Variants in PXK observed in about 807,000 individuals in gnomAD.
PXK encodes the protein PX domain-containing protein kinase-like protein.
Under a neutral mutation model 84.7 loss-of-function variants are expected in PXK, and 35 were observed. The ratio of observed to expected loss-of-function variants is 0.41; its 90% confidence interval spans 0.32 to 0.55. The LOEUF is 0.55. Among genes scored for constraint, PXK ranks in the 20% least tolerant of loss-of-function variants. The pLI is 0.21. For synonymous variants in PXK, 253 were observed against 260.8 expected (o/e 0.97, Z 0.29); for missense variants, 634 against 699.7 (o/e 0.91, Z 1.06).
At position 58,390,512 on chromosome 3, in the gene PXK, G is replaced by T; in HGVS notation, c.389-70G>T. On this transcript the variant is annotated intron_variant, in intron 4 of 17. Transcript: ENST00000356151. The surrounding 1 kb of genome is among the most constrained non-coding windows in gnomAD (Gnocchi z 4.2). ...TAGACTATAGGGATTTCATTTACAA[G>T]AATAATATCTTCAGCATATGGCCCT... The T allele has an allele frequency of 8.6e-7, 1 of 1,157,902 alleles. No homozygotes were observed. The highest frequency in any genetic ancestry group is 2.1e-5 in the Admixed American group (1 of 47,034). The allele number at this position is 1,157,902 out of a possible 1,614,324, so 71.7% of individuals were successfully genotyped here. A position where few individuals can be genotyped will look rare whatever the true frequency, so the allele number is the denominator to read the frequency against.
At chr3:58,362,153 C>T (rs1181335897) in intron 1 of PXK, among the ~76,000 whole-genome samples, 2 of 152,098 alleles carry the variant, frequency 1.3e-5, no homozygotes, top group Non-Finnish European at 2.9e-5. Flanking sequence ...ATTATTTGCC[C>T]ATTTTCTAAT....
rs2061012076 is a variant in PXK at position 58,416,683 on chromosome 3, A to C, written c.1528+3720A>C. On this transcript the variant is annotated intron_variant, in intron 17 of 17. Transcript: ENST00000356151. The surrounding 1 kb of genome is among the most constrained non-coding windows in gnomAD (Gnocchi z 4.8). ...TCACCCAGGCTGGAATACAGTCGTGAGATCTCGGCTCACTGCAACTTCCGC... is the reference window on the plus strand; with the variant it reads ...TCACCCAGGCTGGAATACAGTCGTGCGATCTCGGCTCACTGCAACTTCCGC... Among the ~76,000 whole-genome samples the C allele has an allele frequency of 6.8e-6, 1 of 146,482 alleles. No individual in the cohort carries two copies. Among genetic ancestry groups the C allele is most frequent in the Non-Finnish European group, 1.5e-5 (1 of 65,724 alleles).
chr3:58,393,754 C>T (rs2098654534), intron 7 of PXK, among the ~76,000 whole-genome samples: 1 of 152,172 alleles, frequency 6.6e-6, no homozygotes, highest in African/African-American at 2.4e-5. Context: ...GATATTGTGA[C>T]ACTACATATT....
chr3:58,344,587 G>A (rs143665347), intron 1 of PXK, among the ~76,000 whole-genome samples: 7,131 of 152,280 alleles, frequency 0.047, 585 homozygotes, highest in African/African-American at 0.16. Context: ...ACTTTGGGAA[G>A]CCAAGATGGG....
At chr3:58,422,345 A>G (rs1283220902) in intron 17 of PXK, 42 of 985,084 alleles carry the variant, frequency 4.3e-5, no homozygotes, top group Non-Finnish European at 4.8e-5. Context: ...AAGAGCCACC[A>G]TGGTTGTTGT....
rs779452120 is a variant in PXK at position 58,383,251 on chromosome 3, C to CA, written c.388+552dup. Among the ~76,000 whole-genome samples the CA allele has an allele frequency of 7.2e-5, 11 of 152,164 alleles. No individual in the cohort carries two copies. The highest frequency in any genetic ancestry group is 1.5e-4 in the Non-Finnish European group (10 of 68,032). On this transcript the variant is annotated intron_variant, in intron 4 of 17. Coordinates refer to ENST00000356151, the MANE Select transcript of PXK (RefSeq NM_017771.5). This position sits in a 1 kb window ranked among gnomAD's most constrained non-coding sequence, Gnocchi z 4.0. ...AGGTTGCAGTGAGCCGAGATAGCAC[C>CA]ACTGCACTCTAGCCTAGGCAACAGA...
intron 1 of PXK, among the ~76,000 whole-genome samples, chr3:58,349,378 C>T (rs1240115524): frequency 2.9e-4 from 36 of 125,692 alleles, no homozygotes; most frequent in African/African-American, 9.7e-4. Context: ...TTTTTTGAGA[C>T]GGAGTCTCAC....
At position 58,412,364 on chromosome 3, in the gene PXK, A is replaced by G. The variant is rs2060327205; in HGVS notation, c.1466-537A>G. 6.6e-6 allele frequency among the ~76,000 whole-genome samples: 1 copy of G among 152,164 alleles called. No homozygotes were observed. Among genetic ancestry groups the G allele is most frequent in the African/African-American group, 2.4e-5 (1 of 41,412 alleles). On this transcript the variant is annotated intron_variant, in intron 16 of 17. Coordinates refer to ENST00000356151, the MANE Select transcript of PXK (RefSeq NM_017771.5). This position sits in a 1 kb window ranked among gnomAD's most constrained non-coding sequence, Gnocchi z 6.2. ...TTAATGTGAATAAGGACATTTACTT[A>G]TTCTAGATAAGAAAAGGGCTGTGAA... is the stretch of plus-strand genomic sequence containing the variant.
chr3:58,406,724 C>G (rs1269867737), intron 13 of PXK, among the ~76,000 whole-genome samples: 1 of 152,146 alleles, frequency 6.6e-6, no homozygotes, highest in Non-Finnish European at 1.5e-5. Flanking sequence ...AATAATGACT[C>G]CCCATTTCTC....
chr3:58,355,370 G>A (rs886129030), intron 1 of PXK, among the ~76,000 whole-genome samples: 59 of 152,258 alleles, frequency 3.9e-4, no homozygotes, highest in African/African-American at 1.3e-3. Flanking sequence ...CAAGTTTCAC[G>A]GCACATCTGA....
In PXK at chr3:58,416,177, C is replaced by T. The variant is rs2060930636; in HGVS notation, c.1528+3214C>T. On this transcript the variant is annotated intron_variant, in intron 17 of 17. Transcript: ENST00000356151. The surrounding 1 kb of genome is among the most constrained non-coding windows in gnomAD (Gnocchi z 4.8). ...GAGCCTTTGAAAGACAACTCAGGGA[C>T]ATATGTTAAGATCTTATCTTTAGTT... is the stretch of plus-strand genomic sequence containing the variant. Among the ~76,000 whole-genome samples the T allele has an allele frequency of 6.6e-6, 1 of 152,178 alleles. No individual in the cohort carries two copies. Among genetic ancestry groups the T allele is most frequent in the Non-Finnish European group, 1.5e-5 (1 of 68,034 alleles).
At position 58,346,635 on chromosome 3, in the gene PXK, A is replaced by C. The variant is rs953962675; in HGVS notation, c.102+13545A>C. The stretch of plus-strand genomic sequence containing the variant: ...TGTGCCAAGCCAAGTGCTTTATAGT[A>C]ATTCTATAATTATTTTTCTTTTTTC... On this transcript the variant is annotated intron_variant, in intron 1 of 17. Transcript: ENST00000356151. Among the ~76,000 whole-genome samples, 6 of 152,184 alleles carry C rather than the reference A, an allele frequency of 3.9e-5. No homozygotes were observed. The East Asian group carries it at 7.7e-4, about 20-fold the overall frequency.
chr3:58,378,512 TTG>T (rs71091375), intron 3 of PXK, among the ~76,000 whole-genome samples: 1,437 of 28,596 alleles, frequency 0.05, 29 homozygotes, highest in African/African-American at 0.08. Flanking sequence ...TTTTTTTTTT[TTG>T]TGTGTGTGTG....
At chr3:58,345,662 G>A (rs1319864271) in intron 1 of PXK, among the ~76,000 whole-genome samples, 1 of 152,134 alleles carries the variant, frequency 6.6e-6, no homozygotes, top group African/African-American at 2.4e-5. Context: ...GGTAAAAACT[G>A]TGATAAACCA....
rs1375067710 is a variant in PXK at position 58,396,940 on chromosome 3, G to T, written c.823-99G>T. The stretch of plus-strand genomic sequence containing the variant: ...CAGGAATCTTCTCAGTGACCTGTTT[G>T]GTTTTGTTTCAAAATATATTGACTA... On this transcript the variant is annotated intron_variant, in intron 9 of 17. Transcript: ENST00000356151. 3.9e-6 allele frequency: 5 copies of T among 1,274,798 alleles called. No individual in the cohort carries two copies. The African/African-American group carries it at 4.5e-5, about 11-fold the overall frequency. The allele number at this position is 1,274,798 out of a possible 1,614,324, so 79.0% of individuals were successfully genotyped here. A position where few individuals can be genotyped will look rare whatever the true frequency, so the allele number is the denominator to read the frequency against.
chr3:58,345,831 G>A (rs937699060), intron 1 of PXK, among the ~76,000 whole-genome samples: 3 of 152,178 alleles, frequency 2.0e-5, no homozygotes, highest in Non-Finnish European at 4.4e-5. Flanking sequence ...AGAAACAGAA[G>A]CCTTATAGCC....
chr3:58,344,659 A>C (rs1334118909), intron 1 of PXK, among the ~76,000 whole-genome samples: 1 of 152,200 alleles, frequency 6.6e-6, no homozygotes, highest in African/African-American at 2.4e-5. Context: ...CCCCATCTCT[A>C]CTAAAAAATA....
At chr3:58,354,258 G>C (rs2098013662) in intron 1 of PXK, among the ~76,000 whole-genome samples, 1 of 152,132 alleles carries the variant, frequency 6.6e-6, no homozygotes, top group Non-Finnish European at 1.5e-5. Context: ...CCCAGTGTGA[G>C]GGATTTCTAG....
At chr3:58,346,437 C>G (rs758827265) in intron 1 of PXK, among the ~76,000 whole-genome samples, 2 of 151,884 alleles carry the variant, frequency 1.3e-5, no homozygotes, top group Non-Finnish European at 2.9e-5. Context: ...CAAGTAGAGG[C>G]CACAAGGGAA....
Sources: gnomAD v4.1 joint callset for allele counts (sites outside exome capture counted in the v4.1 genomes callset) on GRCh38, gnomAD v4.1.1 for gene constraint, Gnocchi (gnomAD v3.1) non-coding constraint, MANE v1.5 for transcripts, NCBI Gene and HGNC (gene_info 2026-07-23, HGNC 2026-07-21) for gene names.